Variants in SYNE3 observed in about 807,000 individuals in gnomAD.
SYNE3 encodes spectrin repeat containing nuclear envelope family member 3, also known as nesprin-3.
In SYNE3, 100 loss-of-function variants were observed where a neutral mutation model predicts 111.2. The observed-to-expected ratio is 0.90, with a 90% CI of 0.77 to 1.06. The LOEUF (loss-of-function observed/expected upper bound fraction) is 1.06, where lower values mean the gene tolerates loss of function less well. Among genes scored for constraint, SYNE3 ranks in the 50% least tolerant of loss-of-function variants. SYNE3 has a pLI of 0.00. For synonymous variants in SYNE3, 547 were observed against 533.9 expected (o/e 1.02, Z -0.34); for missense variants, 1,160 against 1,240.3 (o/e 0.94, Z 0.97).
intron 17 of SYNE3, among the ~76,000 whole-genome samples, chr14:95,419,119 G>A (rs1884927770): frequency 6.6e-6 from 1 of 152,198 alleles, no homozygotes; most frequent in Admixed American, 6.5e-5. Flanking sequence ...GCCAGGTTGT[G>A]GCTTCATGGA....
rs746262942 is a variant in SYNE3, at chr14:95,417,993, G to C, written c.2761C>G (p.Arg921Gly). The change falls in exon 18 of 18, where the codon CGG (arginine) becomes GGG (glycine). Residue 921 changes from arginine to glycine, a missense_variant. Coordinates refer to ENST00000682763, the MANE Select transcript of SYNE3 (RefSeq NM_152592.6). ...GGGAGCGCCACACAGCACGCCCTCC[G>C]GAAGAGGGAGCCCAGTCCTCGCCAC... ...RRWRGLGSLF[R>G]RACCVALPLQ... 6.2e-7 allele frequency: 1 copy of C among 1,611,908 alleles called. No individual in the cohort carries two copies.
At chr14:95,432,438 C>A (rs1885831501) in intron 16 of SYNE3, among the ~76,000 whole-genome samples, 1 of 152,220 alleles carries the variant, frequency 6.6e-6, no homozygotes, top group Non-Finnish European at 1.5e-5. Flanking sequence ...GGGCGCCCAG[C>A]TTGGGGCTGG....
chr14:95,469,658 C>A lies in SYNE3; in HGVS notation c.145-1691G>T, dbSNP rs1888404050. Among the ~76,000 whole-genome samples the A allele has an allele frequency of 2.0e-5, 3 of 152,008 alleles. No individual in the cohort carries two copies. In the South Asian group the frequency reaches 6.2e-4, roughly 32 times the overall value. On this transcript the variant is annotated intron_variant, in intron 2 of 17. Transcript: ENST00000682763. ...CTTGGGAGGTCGAGGCTGCAGTGAG[C>A]CGTGATCAAACCACTACGCTCCAGC...
chr14:95,492,892 A>T (rs1284719938), intron 1 of SYNE3, among the ~76,000 whole-genome samples: 1 of 152,162 alleles, frequency 6.6e-6, no homozygotes, highest in African/African-American at 2.4e-5. Flanking sequence ...TAAATGGGTG[A>T]ATTGTATATT....
At chr14:95,503,086 C>T (rs1305914494) in intron 1 of SYNE3, among the ~76,000 whole-genome samples, 4 of 152,326 alleles carry the variant, frequency 2.6e-5, no homozygotes, top group Non-Finnish European at 1.5e-5. Context: ...AAATTAATCC[C>T]ATTAGCAAGC....
At chr14:95,439,277 A>G (rs1020801348) in intron 13 of SYNE3, 115 bp from the exon 14 acceptor site, 2 of 1,467,074 alleles carry the variant, frequency 1.4e-6, no homozygotes, top group Non-Finnish European at 1.9e-6. Flanking sequence ...CCCCCACTGA[A>G]GTTTGTGAGA....
Position 95,485,264 on chromosome 14 carries a change from G to T in SYNE3, c.-14-9429C>A, listed in dbSNP as rs1359945698. Among the ~76,000 whole-genome samples, 1 of 152,124 alleles carries T rather than the reference G, an allele frequency of 6.6e-6. No individual in the cohort carries two copies. Among genetic ancestry groups the T allele is most frequent in the African/African-American group, 2.4e-5 (1 of 41,408 alleles). On this transcript the variant is annotated intron_variant, in intron 1 of 17. Coordinates refer to ENST00000682763, the MANE Select transcript of SYNE3 (RefSeq NM_152592.6). The surrounding 1 kb of genome is among the most constrained non-coding windows in gnomAD (Gnocchi z 4.3). ...AACCCCTGCCCTTCTTGCCTCAACT[G>T]CATCAGTCACTTCTGTTTCTGAAGA...
intron 6 of SYNE3, among the ~76,000 whole-genome samples, chr14:95,452,834 G>T (rs892289459): frequency 6.6e-6 from 1 of 152,226 alleles, no homozygotes; most frequent in Non-Finnish European, 1.5e-5. Flanking sequence ...TGTAGATGGT[G>T]GACCGGACAT....
chr14:95,501,569 C>T (rs1055297332), intron 1 of SYNE3, among the ~76,000 whole-genome samples: 3 of 152,096 alleles, frequency 2.0e-5, no homozygotes, highest in African/African-American at 7.2e-5. Context: ...ACAAACAGGC[C>T]CGATTAGGGA....
Position 95,433,330 on chromosome 14 carries a change from T to C in SYNE3, c.2618A>G (p.Asp873Gly), listed in dbSNP as rs751305624. Residue 873 changes from aspartate to glycine, a missense_variant, in exon 16 of 18, where the codon GAT becomes GGT. Transcript: ENST00000682763. ...CTGGTAGCGCAGATCTTCCAGCTCATCCGAGGTCCCCCTTGCTGGCCCGAG... is the reference window on the plus strand; with the variant it reads ...CTGGTAGCGCAGATCTTCCAGCTCACCCGAGGTCCCCCTTGCTGGCCCGAG... ...LRLGPARGTS[D>G]ELEDLRYQWM... 14 of 1,614,146 alleles carry C rather than the reference T, an allele frequency of 8.7e-6. No individual in the cohort carries two copies. Among genetic ancestry groups the C allele is most frequent in the Non-Finnish European group, 1.2e-5 (14 of 1,180,020 alleles).
At chr14:95,432,646 T>TATTA (rs1171846956) in intron 16 of SYNE3, among the ~76,000 whole-genome samples, 1,670 of 139,854 alleles carry the variant, frequency 0.012, 34 homozygotes, top group African/African-American at 0.047. Context: ...TTATTATTAT[T>TATTA]ATTATTATTA....
rs141135207 is a variant in SYNE3, at chr14:95,469,158, C to G, written c.145-1191G>C. ...TGGCCTAAAGCTCAAGCTCAGATCC[C>G]CAGCCCGTCTCCCTGAGGGCTGGTG... On this transcript the variant is annotated intron_variant, in intron 2 of 17. Transcript: ENST00000682763. Among the ~76,000 whole-genome samples, 464 of 152,264 alleles carry G rather than the reference C, an allele frequency of 3.0e-3. 3 individuals are homozygous for G. Among genetic ancestry groups the G allele is most frequent in the African/African-American group, 0.011 (442 of 41,540 alleles).
At chr14:95,475,894 C>A in intron 1 of SYNE3, 59 bp from the exon 2 acceptor site, 2 of 1,358,656 alleles carry the variant, frequency 1.5e-6, no homozygotes, top group Admixed American at 3.4e-5. Flanking sequence ...TGCAAAAAGA[C>A]CCCCGGCAGG....
chr14:95,444,315 G>C (rs1460866093), intron 10 of SYNE3, 170 bp downstream of exon 10: 1 of 846,534 alleles, frequency 1.2e-6, no homozygotes, highest in Non-Finnish European at 1.7e-6. Context: ...GGAACCATCA[G>C]ATAAATAAGC....
chr14:95,510,651 G>A (rs1890689533), intron 1 of SYNE3, among the ~76,000 whole-genome samples: 2 of 152,182 alleles, frequency 1.3e-5, no homozygotes, highest in African/African-American at 2.4e-5. Context: ...AGCTGGGCGT[G>A]GTGGCAGGTG....
At chr14:95,434,793 G>T (rs1294491993) in intron 15 of SYNE3, among the ~76,000 whole-genome samples, 1 of 152,174 alleles carries the variant, frequency 6.6e-6, no homozygotes, top group Non-Finnish European at 1.5e-5. Context: ...GAATAGCTGG[G>T]ATTACAGGCA....
At chr14:95,432,762 G>A (rs775057670) in intron 16 of SYNE3, among the ~76,000 whole-genome samples, 3 of 151,848 alleles carry the variant, frequency 2.0e-5, no homozygotes, top group Non-Finnish European at 4.4e-5. Flanking sequence ...CATGGGGCTG[G>A]ACCCCAGGGC....
In SYNE3 at chr14:95,496,858, A is replaced by G. The variant is rs114897988; in HGVS notation, c.-15+19738T>C. On this transcript the variant is annotated intron_variant, in intron 1 of 17. Coordinates refer to ENST00000682763, the MANE Select transcript of SYNE3 (RefSeq NM_152592.6). ...AAGTGAGCAAGCTGTGGAGTCTTCCAGCCATGAAGCAGCACTCCTGCCGGG... is the reference window on the plus strand; with the variant it reads ...AAGTGAGCAAGCTGTGGAGTCTTCCGGCCATGAAGCAGCACTCCTGCCGGG... Among the ~76,000 whole-genome samples, 1,396 of 152,364 alleles carry G rather than the reference A, an allele frequency of 9.2e-3. 21 individuals are homozygous for G. The highest frequency in any genetic ancestry group is 0.031 in the African/African-American group (1,294 of 41,576).
intron 1 of SYNE3, among the ~76,000 whole-genome samples, chr14:95,512,427 GC>G (rs1441653831): frequency 6.6e-6 from 1 of 152,164 alleles, no homozygotes; most frequent in African/African-American, 2.4e-5. Context: ...GGTGGCACAT[GC>G]CTGTAATCCC....
Sources: allele counts gnomAD v4.1 joint callset (sites outside exome capture counted in the v4.1 genomes callset), GRCh38; gene constraint gnomAD v4.1.1; non-coding constraint Gnocchi (gnomAD v3.1); transcripts MANE v1.5; gene names NCBI Gene and HGNC (gene_info 2026-07-23, HGNC 2026-07-21).